The following ERCC6 variants were observed in gnomAD, a reference collection of about 807,000 sequenced individuals.
ERCC6 encodes ERCC excision repair 6, chromatin remodeling factor.
In ERCC6, 116 loss-of-function variants were observed where a neutral mutation model predicts 158.7. That is an observed-to-expected ratio of 0.73 (90% CI 0.63 to 0.85). The LOEUF is 0.85. ERCC6 is among the 40% of genes least tolerant of loss of function. ERCC6 has a pLI of 0.00. For missense variants in ERCC6, 1,698 were observed against 1,799.4 expected (o/e 0.94, Z 1.02); for synonymous variants, 678 against 659.3 (o/e 1.03, Z -0.43).
At chr10:49,450,273 T>G (rs1850405851), downstream of ERCC6, among the ~76,000 whole-genome samples, 1 of 152,246 alleles carries the variant, frequency 6.6e-6, no homozygotes, top group Admixed American at 6.5e-5. Flanking sequence ...CTTTCCCCAC[T>G]GAATGGACTT....
intron 5 of ERCC6, among the ~76,000 whole-genome samples, chr10:49,520,481 T>A (rs1455011141): frequency 1.3e-5 from 2 of 152,026 alleles, no homozygotes; most frequent in African/African-American, 4.8e-5. Flanking sequence ...CAAAAACATA[T>A]CTGGAAATGC....
chr10:49,519,193 A>G (rs1174231187), intron 5 of ERCC6, among the ~76,000 whole-genome samples: 1 of 152,154 alleles, frequency 6.6e-6, no homozygotes, highest in African/African-American at 2.4e-5. Context: ...CCCTGTGGTC[A>G]TACCTAAATA....
rs1213339910 is a variant in ERCC6 at position 49,456,319 on chromosome 10, C to CA, written c.*2495dup. On this transcript the variant is annotated 3_prime_UTR_variant, in exon 21 of 21. Coordinates refer to ENST00000355832, the MANE Select transcript of ERCC6 (RefSeq NM_000124.4). ...CCCAGCCAGCAAGAAAGGGGAATGTCAAGGAGAGTGCATACCCTGCTTCTT... is the reference window on the plus strand; with the variant it reads ...CCCAGCCAGCAAGAAAGGGGAATGTCAAAGGAGAGTGCATACCCTGCTTCTT... 1.3e-5 allele frequency: 2 copies of CA among 152,172 alleles called. No individual in the cohort carries two copies. Among genetic ancestry groups the CA allele is most frequent in the Non-Finnish European group, 2.9e-5 (2 of 68,042 alleles). 9.4% of individuals were successfully genotyped at this position (152,172 alleles called of 1,614,324 possible). A position where few individuals can be genotyped will look rare whatever the true frequency, so the allele number is the denominator to read the frequency against.
In ERCC6 at chr10:49,532,849, C is replaced by T. The variant is rs759252862; in HGVS notation, c.116G>A (p.Gly39Glu). The T allele has an allele frequency of 6.2e-7, 1 of 1,614,222 alleles. No individual in the cohort carries two copies. The highest frequency in any genetic ancestry group is 1.7e-5 in the Admixed American group (1 of 60,028). ...MAIKQESGGD[G>E]EVEEYLSFRS... ...AAAGGAGAGGTACTCCTCCACCTCC[C>T]CATCACCACCACTTTCTTGCTTGAT... Residue 39 changes from glycine to glutamate, a missense_variant, in exon 2 of 21, where the codon GGG (glycine) becomes GAG (glutamate). By Grantham distance (98) the Gly-to-Glu change is moderately conservative. Transcript: ENST00000355832.
downstream of ERCC6, among the ~76,000 whole-genome samples, chr10:49,451,638 T>C (rs1460709355): frequency 1.3e-5 from 2 of 152,188 alleles, no homozygotes; most frequent in Non-Finnish European, 2.9e-5. Flanking sequence ...GGTGCATAAT[T>C]ATTTTTATAT....
At chr10:49,453,522 C>T (rs972304042), downstream of ERCC6, among the ~76,000 whole-genome samples, 7 of 152,200 alleles carry the variant, frequency 4.6e-5, no homozygotes, top group Middle Eastern at 3.4e-3. Flanking sequence ...ACATCATATA[C>T]GTATTATTTG....
Position 49,530,737 on chromosome 10 carries a change from G to A in ERCC6, c.526C>T (p.Arg176Ter), listed in dbSNP as rs771781694. Residue 176 changes from arginine to a stop codon, truncating the protein, a stop_gained, in exon 3 of 21, where the codon CGA (arginine) becomes TGA (stop). Transcript: ENST00000355832. LOFTEE classifies it high-confidence loss of function. Reference sequence around the variant, plus strand: ...TGAATCACCTTATTATACTTCTGTCGTTTTACAGAATCTAGTTTCCTGTTG... The same window carrying A: ...TGAATCACCTTATTATACTTCTGTCATTTTACAGAATCTAGTTTCCTGTTG... The part of the protein sequence containing the change: ...DINRKLDSVK[R>*]QKYNKEQQLK... 4.0e-5 allele frequency: 64 copies of A among 1,613,410 alleles called. No homozygotes were observed. Among genetic ancestry groups the A allele is most frequent in the South Asian group, 5.5e-5 (5 of 91,050 alleles).
chr10:49,483,549 T>TA, intron 8 of ERCC6, 33 bp from the exon 9 acceptor site: 2 of 1,607,698 alleles, frequency 1.2e-6, no homozygotes, highest in Non-Finnish European at 1.7e-6. Context: ...AAGTCAGTTT[T>TA]AAATAAGAAG....
downstream of ERCC6, among the ~76,000 whole-genome samples, chr10:49,453,639 A>G (rs1208492000): frequency 2.0e-5 from 3 of 152,214 alleles, no homozygotes; most frequent in Admixed American, 2.0e-4. Flanking sequence ...TTCAGCCTAA[A>G]GAACTTCATT....
chr10:49,482,886 T>G, intron 9 of ERCC6, 23 bp from the exon 10 acceptor site: 1 of 1,613,714 alleles, frequency 6.2e-7, no homozygotes, highest in Non-Finnish European at 8.5e-7. Context: ...AGGAAGCACC[T>G]TTTTATTAAA....
rs1850756886 is a variant in ERCC6 at position 49,470,502 on chromosome 10, A to C, written c.3458T>G (p.Leu1153Arg). 5 of 1,614,078 alleles carry C rather than the reference A, an allele frequency of 3.1e-6. No homozygotes were observed. The highest frequency in any genetic ancestry group is 1.3e-5 in the African/African-American group (1 of 74,938). ...GDESIDEKLG[L>R]SYKRERPSQA... ...GCTGGGTCTTTCTCTTTTGTAAGAA[A>C]GACCTAACTTTTCATCAATGCTTTC... is the stretch of plus-strand genomic sequence containing the variant. Residue 1153 changes from leucine to arginine, a missense_variant, in exon 18 of 21, where the codon CTT becomes CGT. Transcript: ENST00000355832.
chr10:49,444,757 TAA>T, the ERCC6 span, among the ~76,000 whole-genome samples: 23 of 152,132 alleles, frequency 1.5e-4, no homozygotes, highest in African/African-American at 5.1e-4. Flanking sequence ...TCTGAGAACA[TAA>T]AAAGGTGGAG....
Position 49,483,522 on chromosome 10 carries a change from A to T in ERCC6, c.1822-6T>A, listed in dbSNP as rs1343305719. 4 of 1,613,874 alleles carry T rather than the reference A, an allele frequency of 2.5e-6. No individual in the cohort carries two copies. The East Asian group carries it at 6.7e-5, about 27-fold the overall frequency. On this transcript the variant is annotated splice_region_variant and splice_polypyrimidine_tract_variant and intron_variant, in intron 8 of 20. Coordinates refer to ENST00000355832, the MANE Select transcript of ERCC6 (RefSeq NM_000124.4). The stretch of plus-strand genomic sequence containing the variant: ...ACATCTCGAATTAGTTTCTCCTGAG[A>T]CCACAATAAAATGGTAAAGTCAGTT...
intron 6 of ERCC6, chr10:49,504,122 T>G (rs1851403115): frequency 6.6e-6 from 1 of 152,170 alleles, no homozygotes. Context: ...TTCCACAGAA[T>G]GCAGCAAATA....
intron 5 of ERCC6, among the ~76,000 whole-genome samples, chr10:49,513,555 A>T (rs532259992): frequency 6.6e-6 from 1 of 152,308 alleles, no homozygotes; most frequent in African/African-American, 2.4e-5. Flanking sequence ...ATTGACTCAC[A>T]ATTCGGCACG....
At position 49,511,598 on chromosome 10, in the gene ERCC6, T is replaced by C. The variant is rs1327228822; in HGVS notation, c.1398-5586A>G. 3.3e-5 allele frequency among the ~76,000 whole-genome samples: 5 copies of C among 152,272 alleles called. 1 individual carries two copies. The highest frequency in any genetic ancestry group is 3.4e-3 in the Middle Eastern group (1 of 294). ...CGCCACCATGTCCGGCTAAGTTTTGTATTTTTTGGTGTAGATGGGGTTTTG... is the reference window on the plus strand; with the variant it reads ...CGCCACCATGTCCGGCTAAGTTTTGCATTTTTTGGTGTAGATGGGGTTTTG... On this transcript the variant is annotated intron_variant, in intron 5 of 20. Transcript: ENST00000355832.
At chr10:49,500,500 G>T in intron 7 of ERCC6, 38 bp downstream of exon 7, 1 of 1,603,946 alleles carries the variant, frequency 6.2e-7, no homozygotes, top group South Asian at 1.1e-5. Flanking sequence ...AATATTAATT[G>T]AGCTCCACAG....
intron 4 of ERCC6, among the ~76,000 whole-genome samples, chr10:49,525,910 G>A (rs1456995343): frequency 6.6e-6 from 1 of 151,470 alleles, no homozygotes; most frequent in East Asian, 1.9e-4. Flanking sequence ...AAATGTTTGT[G>A]CCCTGTGTCC....
At chr10:49,474,691 GC>G (rs1297737281) in intron 12 of ERCC6, among the ~76,000 whole-genome samples, 3 of 152,088 alleles carry the variant, frequency 2.0e-5, no homozygotes, top group Non-Finnish European at 4.4e-5. Flanking sequence ...TAAAAGTTCT[GC>G]AGTTTAATAT....
Sources: gnomAD v4.1 joint callset for allele counts (sites outside exome capture counted in the v4.1 genomes callset) on GRCh38, gnomAD v4.1.1 for gene constraint, MANE v1.5 for transcripts, NCBI Gene and HGNC (gene_info 2026-07-23, HGNC 2026-07-21) for gene names.